MMP28: variants seen among roughly 807,000 people sequenced by gnomAD.
MMP28 encodes the protein matrix metalloproteinase-28.
Under a neutral mutation model 60.5 loss-of-function variants are expected in MMP28, and 55 were observed. The ratio of observed to expected loss-of-function variants is 0.91; its 90% CI spans 0.73 to 1.14. MMP28 has a LOEUF of 1.14. Among genes scored for constraint, MMP28 ranks in the 50% most tolerant of loss-of-function variants. The pLI is 0.00. For missense variants in MMP28, 686 were observed against 738.3 expected (o/e 0.93, Z 0.82); for synonymous variants, 318 against 312.5 (o/e 1.02, Z -0.18).
chr17:35,756,715 A>G (rs1257778916), intron 2 of MMP28, among the ~76,000 whole-genome samples: 1 of 151,316 alleles, frequency 6.6e-6, no homozygotes. Flanking sequence ...TGATTTGCCC[A>G]CCTTGGCCTC....
downstream of MMP28, chr17:35,764,758 C>T: frequency 1.0e-6 from 1 of 967,730 alleles, no homozygotes. Context: ...AGAGCGCCCC[C>T]ATCCGTCAAG....
chr17:35,766,978 C>G lies in MMP28; in HGVS notation c.1169-84G>C. ...CCCACTTCTGTCCCCCATACCTCTG[C>G]TCTCCTTTAAGCTGGAGCCCACGAT... On this transcript the variant is annotated intron_variant, in intron 7 of 7. Coordinates refer to ENST00000605424, the MANE Select transcript of MMP28 (RefSeq NM_024302.5). The surrounding 1 kb of genome is among the most constrained non-coding windows in gnomAD (Gnocchi z 4.3). The G allele has an allele frequency of 3.8e-6, 5 of 1,300,318 alleles. No individual in the cohort carries two copies. Among genetic ancestry groups the G allele is most frequent in the Non-Finnish European group, 4.3e-6 (4 of 929,952 alleles). 80.5% of individuals were successfully genotyped at this position (1,300,318 alleles called of 1,614,324 possible).
In MMP28 at chr17:35,779,294, A is replaced by G. The variant is rs1021085469; in HGVS notation, c.141T>C (p.Asn47=). 2 of 1,613,346 alleles carry G rather than the reference A, an allele frequency of 1.2e-6. No individual in the cohort carries two copies. The highest frequency in any genetic ancestry group is 2.7e-5 in the African/African-American group (2 of 74,986). Residue 47 remains asparagine, a synonymous_variant, in exon 2 of 8, where the codon AAT becomes AAC. Coordinates refer to ENST00000605424, the MANE Select transcript of MMP28 (RefSeq NM_024302.5). The stretch of plus-strand genomic sequence containing the variant: ...AGGTGGGAGCTTTGGGGACCTGTTC[A>G]TTGAGGTATCCGTACTTCTCTAGGA... The part of the protein sequence containing the change: ...EAFLEKYGYL[N]EQVPKAPTST...
chr17:35,781,896 T>C (rs2086514034), intron 1 of MMP28, among the ~76,000 whole-genome samples: 2 of 152,068 alleles, frequency 1.3e-5, no homozygotes, highest in African/African-American at 2.4e-5. Flanking sequence ...GGTCTCACTA[T>C]GTTGCCCTGG....
At chr17:35,764,299 G>A (rs782246248), downstream of MMP28, 4 of 1,510,276 alleles carry the variant, frequency 2.6e-6, no homozygotes, top group African/African-American at 2.8e-5. Context: ...TAGCGCTGCT[G>A]GGCGGCCTAA....
At chr17:35,765,214 G>T, downstream of MMP28, 1 of 152,444 alleles carries the variant, frequency 6.6e-6, no homozygotes. Flanking sequence ...CAAAGGCAAA[G>T]GCCCTTCTGC....
chr17:35,792,472 A>G (rs2086841770), intron 1 of MMP28, among the ~76,000 whole-genome samples: 1 of 152,234 alleles, frequency 6.6e-6, no homozygotes, highest in African/African-American at 2.4e-5. Flanking sequence ...AGATGATGCC[A>G]GCCCCAGACA....
Position 35,766,081 on chromosome 17 carries a change from C to A in MMP28, c.*419G>T, listed in dbSNP as rs944336918. On this transcript the variant is annotated 3_prime_UTR_variant, in exon 8 of 8. Transcript: ENST00000605424. The surrounding 1 kb of genome is among the most constrained non-coding windows in gnomAD (Gnocchi z 4.3). ...ATGACACCGTTTTTCAAGAACTGAG[C>A]CAGGGGGTCCTGAGGAGAAGGGCAC... 184 of 994,210 alleles carry A rather than the reference C, an allele frequency of 1.9e-4. No individual in the cohort carries two copies. Among genetic ancestry groups the A allele is most frequent in the Non-Finnish European group, 2.1e-4 (177 of 836,114 alleles). The allele number at this position is 994,210 out of a possible 1,614,324, so 61.6% of individuals were successfully genotyped here.
intron 4 of MMP28, 93 bp downstream of exon 4, chr17:35,773,087 C>G: frequency 8.5e-7 from 1 of 1,178,632 alleles, no homozygotes; most frequent in Non-Finnish European, 1.2e-6. Context: ...GCCAAGGCCA[C>G]AGGGAGGGTG....
chr17:35,768,154 C>T (rs766602100), intron 6 of MMP28, 76 bp downstream of exon 6: 118 of 1,505,270 alleles, frequency 7.8e-5, no homozygotes, highest in Non-Finnish European at 9.7e-5. Context: ...ATCCCCCCAA[C>T]TTGTACTGCA....
chr17:35,790,686 C>T (rs1164427200), intron 1 of MMP28, among the ~76,000 whole-genome samples: 1 of 151,952 alleles, frequency 6.6e-6, no homozygotes, highest in Non-Finnish European at 1.5e-5. Flanking sequence ...AATATATATA[C>T]ACAGAAATTA....
intron 1 of MMP28, among the ~76,000 whole-genome samples, chr17:35,789,059 G>C (rs1442715889): frequency 6.6e-6 from 1 of 152,146 alleles, no homozygotes; most frequent in South Asian, 2.1e-4. Flanking sequence ...ACACAGCTTT[G>C]TAAGCACTTA....
At chr17:35,765,745 C>T (rs752635454), downstream of MMP28, 4 of 656,270 alleles carry the variant, frequency 6.1e-6, no homozygotes, top group Non-Finnish European at 7.6e-6. Context: ...CAGCTCTGCA[C>T]ACACACACAC....
chr17:35,760,144 T>C (rs1004753345), intron 2 of MMP28, among the ~76,000 whole-genome samples: 2 of 152,178 alleles, frequency 1.3e-5, no homozygotes, highest in African/African-American at 4.8e-5. Context: ...CGCAGATCAC[T>C]ATTAGACTGG....
downstream of MMP28, among the ~76,000 whole-genome samples, chr17:35,762,949 G>C (rs587651733): frequency 2.6e-5 from 4 of 152,048 alleles, no homozygotes; most frequent in South Asian, 2.1e-4. Context: ...GGTGAAACCT[G>C]GTCTCTACTA....
At chr17:35,773,536 T>C in intron 3 of MMP28, 132 bp from the exon 4 acceptor site, 1 of 806,084 alleles carries the variant, frequency 1.2e-6, no homozygotes, top group South Asian at 1.8e-5. Flanking sequence ...ACACAGTTTT[T>C]GCCCTGGGCA....
At chr17:35,757,036 A>G (rs587666477) in intron 2 of MMP28, among the ~76,000 whole-genome samples, 120 of 151,986 alleles carry the variant, frequency 7.9e-4, no homozygotes, top group African/African-American at 2.8e-3. Context: ...TGTCTCTACT[A>G]AAAATACAAA....
chr17:35,766,736 G>C lies in MMP28; in HGVS notation c.1327C>G (p.Arg443Gly), dbSNP rs369027708. The C allele has an allele frequency of 6.9e-6, 11 of 1,591,648 alleles. No individual in the cohort carries two copies. In the African/African-American group the frequency reaches 1.3e-4, roughly 19 times the overall value. ...TAGGGCTCCACTTGCAGTCCCCCTC[G>C]GGCCAGCACGTAGTAGCGGGCACCC... ...FKGARYYVLA[R>G]GGLQVEPYYP... The change falls in exon 8 of 8, where the codon CGA becomes GGA. Residue 443 changes from arginine (R) to glycine (G), a missense_variant. Coordinates refer to ENST00000605424, the MANE Select transcript of MMP28 (RefSeq NM_024302.5). The surrounding 1 kb of genome is among the most constrained non-coding windows in gnomAD (Gnocchi z 4.3).
chr17:35,761,052 A>C, downstream of MMP28: 10 of 1,337,542 alleles, frequency 7.5e-6, no homozygotes, highest in Non-Finnish European at 9.1e-6. Flanking sequence ...ACCTTTTCTC[A>C]GTTACCCATC....
Sources: gnomAD v4.1 joint callset for allele counts (sites outside exome capture counted in the v4.1 genomes callset) on GRCh38, gnomAD v4.1.1 for gene constraint, Gnocchi (gnomAD v3.1) non-coding constraint, MANE v1.5 for transcripts, NCBI Gene and HGNC (gene_info 2026-07-23, HGNC 2026-07-21) for gene names.